ULK2: variants seen among roughly 807,000 people sequenced by gnomAD.
The protein encoded by ULK2 is serine/threonine-protein kinase ULK2.
A neutral mutation model predicts 127.5 loss-of-function variants in ULK2; 76 were observed. That is an observed-to-expected ratio of 0.60 (90% CI 0.50 to 0.72). The LOEUF (loss-of-function observed/expected upper bound fraction) is 0.72, where lower values mean the gene tolerates loss of function less well. Among genes scored for constraint, ULK2 ranks in the 30% least tolerant of loss-of-function variants. The pLI, the probability that ULK2 is intolerant of heterozygous loss-of-function variation, is 0.00. For missense variants in ULK2, 1,144 were observed against 1,295.9 expected (o/e 0.88, Z 1.80); for synonymous variants, 452 against 461.9 (o/e 0.98, Z 0.28).
chr17:19,843,246 G>T, intron 7 of ULK2, 24 bp from the exon 8 acceptor site: 2 of 1,468,826 alleles, frequency 1.4e-6, no homozygotes, highest in Non-Finnish European at 1.8e-6. Flanking sequence ...AATTTAAGGG[G>T]CATGCCGTAC....
At chr17:19,820,364 T>C (rs1248747070) in intron 12 of ULK2, among the ~76,000 whole-genome samples, 1 of 152,156 alleles carries the variant, frequency 6.6e-6, no homozygotes, top group Non-Finnish European at 1.5e-5. Flanking sequence ...CTACAACTTT[T>C]AAGAATGCAG....
intron 6 of ULK2, among the ~76,000 whole-genome samples, chr17:19,845,643 A>G (rs1187537008): frequency 2.0e-5 from 3 of 152,082 alleles, no homozygotes; most frequent in Admixed American, 6.6e-5. Context: ...GCTAATTATA[A>G]TAAGTAGCTC....
At chr17:19,810,152 A>G (rs1408664514) in intron 14 of ULK2, among the ~76,000 whole-genome samples, 2 of 150,330 alleles carry the variant, frequency 1.3e-5, no homozygotes, top group Non-Finnish European at 3.0e-5. Flanking sequence ...AATGGCGTGA[A>G]CCCAGAGGCA....
intron 13 of ULK2, among the ~76,000 whole-genome samples, chr17:19,812,192 G>C (rs185600277): frequency 6.6e-6 from 1 of 152,164 alleles, no homozygotes; most frequent in Non-Finnish European, 1.5e-5. Context: ...ACTAAAAGCA[G>C]GATTGATTGA....
At chr17:19,828,983 G>A (rs541856291) in intron 10 of ULK2, among the ~76,000 whole-genome samples, 15 of 152,144 alleles carry the variant, frequency 9.9e-5, no homozygotes, top group Non-Finnish European at 1.9e-4. Flanking sequence ...TGAGAGGATC[G>A]CCTGAACTCG....
At chr17:19,805,327 G>A (rs914521777) in intron 14 of ULK2, among the ~76,000 whole-genome samples, 5 of 152,160 alleles carry the variant, frequency 3.3e-5, no homozygotes, top group Admixed American at 6.5e-5. Context: ...CTCATCTGAC[G>A]TCCACATTTT....
At chr17:19,853,340 G>A (rs529964448) in intron 3 of ULK2, among the ~76,000 whole-genome samples, 7 of 151,640 alleles carry the variant, frequency 4.6e-5, no homozygotes, top group African/African-American at 9.7e-5. Flanking sequence ...GTTTTGCCAC[G>A]TTGCCCAGGC....
At chr17:19,833,102 G>A (rs558759385) in intron 10 of ULK2, among the ~76,000 whole-genome samples, 12 of 132,224 alleles carry the variant, frequency 9.1e-5, no homozygotes, top group African/African-American at 3.4e-4. Flanking sequence ...CAGCCTGGGC[G>A]ACACAGTAAG....
At chr17:19,801,723 G>T in intron 16 of ULK2, 54 bp downstream of exon 16, 1 of 1,604,612 alleles carries the variant, frequency 6.2e-7, no homozygotes, top group Non-Finnish European at 8.5e-7. Context: ...TGTCATGTCA[G>T]ATTTATTACA....
intron 3 of ULK2, among the ~76,000 whole-genome samples, chr17:19,855,092 T>A (rs1597816577): frequency 8.4e-6 from 1 of 119,426 alleles, no homozygotes. Context: ...AGAACAAGAT[T>A]CCATCTCAAA....
At chr17:19,806,012 A>G (rs1296061655) in intron 14 of ULK2, among the ~76,000 whole-genome samples, 1 of 152,050 alleles carries the variant, frequency 6.6e-6, no homozygotes, top group Non-Finnish European at 1.5e-5. Context: ...TAAATACAAT[A>G]ATGTTTTTAA....
rs3833166 is a variant in ULK2 at position 19,867,665 on chromosome 17, TG to T, written c.-249del. The T allele has an allele frequency of 3.0e-3, 699 of 229,628 alleles. 26 individuals carry two copies. In the East Asian group the frequency reaches 0.055, roughly 18 times the overall value. 14.2% of individuals were successfully genotyped at this position (229,628 alleles called of 1,614,324 possible). On this transcript the variant is annotated 5_prime_UTR_variant, in exon 1 of 27. Coordinates refer to ENST00000395544, the MANE Select transcript of ULK2 (RefSeq NM_014683.4). ...CATGGCCCGGCCTGCCGCCGGCCGC[TG>T]GCTGTCTGGCGAAGCGGCCTCGGCG...
chr17:19,779,143 T>A (rs948492564), intron 25 of ULK2, among the ~76,000 whole-genome samples: 1 of 152,182 alleles, frequency 6.6e-6, no homozygotes, highest in Non-Finnish European at 1.5e-5. Context: ...TTTAATAAAT[T>A]TCAAAATAAG....
At position 19,848,668 on chromosome 17, in the gene ULK2, T is replaced by G. The variant is rs552851339; in HGVS notation, c.295+701A>C. Among the ~76,000 whole-genome samples, 16 of 151,972 alleles carry G rather than the reference T, an allele frequency of 1.1e-4. No homozygotes were observed. In the South Asian group the frequency reaches 3.3e-3, roughly 32 times the overall value. On this transcript the variant is annotated intron_variant, in intron 5 of 26. Transcript: ENST00000395544. ...GGTATGCACCTGTAATCCCAGCTAC[T>G]CGGGAGGCTGAGGCAGGAGAATCAC... is the stretch of plus-strand genomic sequence containing the variant.
rs1297538121 is a variant in ULK2, at chr17:19,810,784, G to C, written c.1097-346C>G. On this transcript the variant is annotated intron_variant, in intron 13 of 26. Transcript: ENST00000395544. ...TTTCTGTGTCAATGACAAAAGTTCT[G>C]AGAGTTGTGCCCTTTAATACTATTT... 3 of 190,956 alleles carry C rather than the reference G, an allele frequency of 1.6e-5. No individual in the cohort carries two copies. The East Asian group carries it at 4.1e-4, about 26-fold the overall frequency. 11.8% of individuals were successfully genotyped at this position (190,956 alleles called of 1,614,324 possible). A position where few individuals can be genotyped will look rare whatever the true frequency, so the allele number is the denominator to read the frequency against.
chr17:19,801,013 A>C (rs547555338), intron 16 of ULK2, among the ~76,000 whole-genome samples: 1 of 152,136 alleles, frequency 6.6e-6, no homozygotes, highest in Non-Finnish European at 1.5e-5. Context: ...TTACGGTACC[A>C]GGAGAAGTGG....
At chr17:19,796,423 G>A (rs1271981881) in intron 18 of ULK2, 141 bp from the exon 19 acceptor site, 2 of 773,182 alleles carry the variant, frequency 2.6e-6, no homozygotes, top group African/African-American at 1.8e-5. Context: ...GTAGAAAGAT[G>A]CAAACCTTCT....
chr17:19,840,933 G>A (rs541293812), intron 9 of ULK2, among the ~76,000 whole-genome samples: 4 of 152,140 alleles, frequency 2.6e-5, no homozygotes, highest in African/African-American at 9.6e-5. Flanking sequence ...TCTTGCTGCG[G>A]AACATCATCT....
chr17:19,801,204 G>A (rs1242025128), intron 16 of ULK2, among the ~76,000 whole-genome samples: 2 of 152,184 alleles, frequency 1.3e-5, no homozygotes, highest in Non-Finnish European at 2.9e-5. Context: ...CAAAGGAGAT[G>A]CTTTTTATAC....
Sources: gnomAD v4.1 joint callset for allele counts (sites outside exome capture counted in the v4.1 genomes callset) on GRCh38, gnomAD v4.1.1 for gene constraint, MANE v1.5 for transcripts, NCBI Gene and HGNC (gene_info 2026-07-23, HGNC 2026-07-21) for gene names.